The following MAML3 variants were observed in gnomAD, a reference collection of about 807,000 sequenced individuals.
MAML3 encodes mastermind like transcriptional coactivator 3.
MAML3 carries 27 observed loss-of-function variants against 101.9 expected under a neutral mutation model. That is an observed-to-expected ratio of 0.27 (90% CI 0.20 to 0.37). The LOEUF (loss-of-function observed/expected upper bound fraction) is 0.37, where lower values mean the gene tolerates loss of function less well. Among genes scored for constraint, MAML3 ranks in the 10% least tolerant of loss-of-function variants. The pLI, the probability that MAML3 is intolerant of heterozygous loss-of-function variation, is 1.00. For missense variants in MAML3, 1,316 were observed against 1,444.9 expected (o/e 0.91, Z 1.45); for synonymous variants, 501 against 555.9 (o/e 0.90, Z 1.39).
chr4:140,011,565 C>T (rs1229321326), intron 1 of MAML3, among the ~76,000 whole-genome samples: 2 of 150,692 alleles, frequency 1.3e-5, no homozygotes, highest in Non-Finnish European at 3.0e-5. Context: ...AGGATGGTCT[C>T]GATCTCCTGA....
intron 3 of MAML3, among the ~76,000 whole-genome samples, chr4:139,726,537 G>A (rs908242144): frequency 1.3e-5 from 2 of 152,154 alleles, no homozygotes; most frequent in African/African-American, 4.8e-5. Flanking sequence ...AGGCTGTGGG[G>A]ACTGAGTTGA....
intron 1 of MAML3, among the ~76,000 whole-genome samples, chr4:139,992,758 C>T (rs1385543684): frequency 6.6e-6 from 1 of 152,108 alleles, no homozygotes; most frequent in African/African-American, 2.4e-5. Flanking sequence ...GGGGTTTCAC[C>T]ATGTTGGCCA....
At chr4:139,989,422 G>A (rs999236021) in intron 1 of MAML3, among the ~76,000 whole-genome samples, 17 of 152,268 alleles carry the variant, frequency 1.1e-4, no homozygotes, top group African/African-American at 4.1e-4. Context: ...GACGGCTTCT[G>A]CTGCCTTCTG....
At chr4:139,805,754 T>C (rs1434256868) in intron 2 of MAML3, among the ~76,000 whole-genome samples, 3 of 152,130 alleles carry the variant, frequency 2.0e-5, no homozygotes, top group Non-Finnish European at 4.4e-5. Flanking sequence ...ATAGTTATTC[T>C]GGAAAAATAA....
chr4:140,143,534 G>A (rs1183413663), intron 1 of MAML3, among the ~76,000 whole-genome samples: 2 of 152,174 alleles, frequency 1.3e-5, no homozygotes, highest in East Asian at 1.9e-4. Flanking sequence ...AGGCCAAGGC[G>A]GGCGGATCAT....
intron 1 of MAML3, among the ~76,000 whole-genome samples, chr4:139,908,166 T>C (rs1732853562): frequency 6.6e-6 from 1 of 152,232 alleles, no homozygotes; most frequent in Non-Finnish European, 1.5e-5. Flanking sequence ...AATTGTATAA[T>C]CTGTCTAGGT....
chr4:139,901,604 G>T (rs1732720205), intron 1 of MAML3, among the ~76,000 whole-genome samples: 1 of 152,166 alleles, frequency 6.6e-6, no homozygotes, highest in South Asian at 2.1e-4. Flanking sequence ...GGTTGGTGAG[G>T]AAGAAGGGAA....
At chr4:139,902,778 G>A (rs1732752547) in intron 1 of MAML3, among the ~76,000 whole-genome samples, 1 of 152,236 alleles carries the variant, frequency 6.6e-6, no homozygotes, top group Non-Finnish European at 1.5e-5. Context: ...TATAGCAACA[G>A]TCAGAGTCAT....
chr4:139,904,032 T>C (rs1009651567), intron 1 of MAML3, among the ~76,000 whole-genome samples: 1 of 152,190 alleles, frequency 6.6e-6, no homozygotes, highest in African/African-American at 2.4e-5. Flanking sequence ...GGGGGTGATG[T>C]CATCATGACT....
intron 1 of MAML3, among the ~76,000 whole-genome samples, chr4:140,088,155 T>A (rs1392538359): frequency 2.6e-5 from 4 of 151,814 alleles, no homozygotes; most frequent in Non-Finnish European, 4.4e-5. Flanking sequence ...GAGTTCGAGG[T>A]TATGGTGAGC....
At position 139,885,932 on chromosome 4, in the gene MAML3, C is replaced by CAAAAAAAAAAAAAAAAAAA. The variant is rs1182443191; in HGVS notation, c.2079+3406_2079+3424dup. 5.4e-4 allele frequency among the ~76,000 whole-genome samples: 11 copies of CAAAAAAAAAAAAAAAAAAA among 20,306 alleles called. 3 individuals carry two copies. Among genetic ancestry groups the CAAAAAAAAAAAAAAAAAAA allele is most frequent in the Admixed American group, 1.1e-3 (1 of 918 alleles). The allele number at this position is 20,306 out of a possible 152,430, so 13.3% of individuals were successfully genotyped here. A position where few individuals can be genotyped will look rare whatever the true frequency, so the allele number is the denominator to read the frequency against. On this transcript the variant is annotated intron_variant, in intron 2 of 4. Transcript: ENST00000509479. ...TGGGCGACAGGGCAAGACTCCGTCT[C>CAAAAAAAAAAAAAAAAAAA]AAAAAAAAAAAAAAAAAAAAAAAAA... is the stretch of plus-strand genomic sequence containing the variant.
At chr4:140,036,054 C>T (rs957134832) in intron 1 of MAML3, among the ~76,000 whole-genome samples, 2 of 152,170 alleles carry the variant, frequency 1.3e-5, no homozygotes, top group African/African-American at 4.8e-5. Flanking sequence ...GGATTAGGAC[C>T]GATTCCTTTT....
rs1703798684 is a variant in MAML3, at chr4:140,101,021, C to G, written c.468+51839G>C. On this transcript the variant is annotated intron_variant, in intron 1 of 4. Coordinates refer to ENST00000509479, the MANE Select transcript of MAML3 (RefSeq NM_018717.5). ...AGACAGGCCCAGTGGGGAGCTCAGT[C>G]TTCCAGGCATCCTTGCCAAGGTGCC... is the stretch of plus-strand genomic sequence containing the variant. Among the ~76,000 whole-genome samples, 3 of 152,134 alleles carry G rather than the reference C, an allele frequency of 2.0e-5. No individual in the cohort carries two copies. The South Asian group carries it at 6.2e-4, about 31-fold the overall frequency.
At chr4:140,085,636 CA>C (rs1727939593) in intron 1 of MAML3, among the ~76,000 whole-genome samples, 1 of 152,190 alleles carries the variant, frequency 6.6e-6, no homozygotes, top group Non-Finnish European at 1.5e-5. Flanking sequence ...CCAAAACGGG[CA>C]AACACATGGG....
chr4:140,000,207 CATTTACCTCAGTAA>C (rs1342743332), intron 1 of MAML3, among the ~76,000 whole-genome samples: 6 of 152,198 alleles, frequency 3.9e-5, no homozygotes, highest in African/African-American at 1.4e-4. Flanking sequence ...CAGTCATCTT[CATTTACCTCAGTAA>C]AGACTGTTCA....
chr4:140,104,829 A>G (rs1728324906), intron 1 of MAML3, among the ~76,000 whole-genome samples: 1 of 151,558 alleles, frequency 6.6e-6, no homozygotes, highest in Non-Finnish European at 1.5e-5. Flanking sequence ...AAATAAAAGA[A>G]TAAAGGCATC....
At chr4:140,086,298 C>A (rs1309440713) in intron 1 of MAML3, among the ~76,000 whole-genome samples, 1 of 152,220 alleles carries the variant, frequency 6.6e-6, no homozygotes, top group Admixed American at 6.5e-5. Context: ...CCTGAAACTT[C>A]TCTTCCTTGA....
chr4:139,734,422 CT>C (rs769146172), intron 2 of MAML3, among the ~76,000 whole-genome samples: 9 of 152,342 alleles, frequency 5.9e-5, no homozygotes, highest in Non-Finnish European at 1.0e-4. Flanking sequence ...TCCCTTGCTT[CT>C]CCCAAGAATC....
At chr4:140,032,168 T>C (rs1726918579) in intron 1 of MAML3, among the ~76,000 whole-genome samples, 1 of 152,216 alleles carries the variant, frequency 6.6e-6, no homozygotes, top group Non-Finnish European at 1.5e-5. Flanking sequence ...TAGATTTAGA[T>C]TGATGGTTCT....
Sources: allele counts gnomAD v4.1 joint callset (sites outside exome capture counted in the v4.1 genomes callset), GRCh38; gene constraint gnomAD v4.1.1; transcripts MANE v1.5; gene names NCBI Gene and HGNC (gene_info 2026-07-23, HGNC 2026-07-21).